Variants in CNTN5 observed in about 807,000 individuals in gnomAD.
CNTN5 encodes the protein contactin 5.
A neutral mutation model predicts 129.1 loss-of-function variants in CNTN5; 77 were observed. The ratio of observed to expected loss-of-function variants is 0.60; its 90% confidence interval spans 0.50 to 0.72. CNTN5 has a LOEUF of 0.72. Among genes scored for constraint, CNTN5 ranks in the 30% least tolerant of loss-of-function variants. The pLI is 0.00. For missense variants in CNTN5, 1,478 were observed against 1,328.8 expected, an observed-to-expected ratio of 1.11 and a Z score of -1.75; for synonymous variants, 509 against 465.6, an observed-to-expected ratio of 1.09 and a Z score of -1.20.
intron 15 of CNTN5, among the ~76,000 whole-genome samples, chr11:100,208,458 A>G (rs1948959593): frequency 6.6e-6 from 1 of 152,178 alleles, no homozygotes; most frequent in South Asian, 2.1e-4. Flanking sequence ...TGTTCACATT[A>G]AAGATCTCAG....
intron 13 of CNTN5, among the ~76,000 whole-genome samples, chr11:100,098,006 G>A (rs1212861758): frequency 6.6e-6 from 1 of 151,906 alleles, no homozygotes; most frequent in African/African-American, 2.4e-5. Context: ...TTGTTTCGTT[G>A]TCAGAATTAC....
chr11:99,905,563 T>C (rs749728232), intron 6 of CNTN5, among the ~76,000 whole-genome samples: 1 of 152,182 alleles, frequency 6.6e-6, no homozygotes, highest in Non-Finnish European at 1.5e-5. Context: ...TAGTTTAAAG[T>C]AGGGTAGCAT....
chr11:99,045,210 C>G (rs1450800786), intron 1 of CNTN5, among the ~76,000 whole-genome samples: 1 of 152,084 alleles, frequency 6.6e-6, no homozygotes, highest in African/African-American at 2.4e-5. Flanking sequence ...GTGATACTTC[C>G]TTTATATTAT....
At chr11:99,770,295 T>A (rs986086915) in intron 3 of CNTN5, among the ~76,000 whole-genome samples, 1 of 152,114 alleles carries the variant, frequency 6.6e-6, no homozygotes, top group Non-Finnish European at 1.5e-5. Context: ...TATACAAAGG[T>A]ACATTCAAAG....
chr11:99,666,727 G>T (rs1359573941), intron 3 of CNTN5, among the ~76,000 whole-genome samples: 1 of 152,120 alleles, frequency 6.6e-6, no homozygotes, highest in East Asian at 1.9e-4. Context: ...GATACAGTGT[G>T]AAGACAAAAG....
At chr11:99,687,695 GAC>G (rs755629435) in intron 3 of CNTN5, among the ~76,000 whole-genome samples, 1 of 152,248 alleles carries the variant, frequency 6.6e-6, no homozygotes, top group Non-Finnish European at 1.5e-5. Context: ...TACCACTAGA[GAC>G]ACAGATTATA....
chr11:99,241,015 A>C (rs979648945), intron 1 of CNTN5, among the ~76,000 whole-genome samples: 32 of 152,344 alleles, frequency 2.1e-4, no homozygotes, highest in Admixed American at 6.5e-4. Context: ...GGGACATGTC[A>C]GTGTATAAAT....
chr11:99,373,174 A>T (rs937974031), intron 2 of CNTN5, among the ~76,000 whole-genome samples: 2 of 152,158 alleles, frequency 1.3e-5, no homozygotes, highest in Admixed American at 1.3e-4. Flanking sequence ...GCACCATTGC[A>T]CTCCAGCCAG....
intron 1 of CNTN5, among the ~76,000 whole-genome samples, chr11:99,033,750 TA>T (rs1011427832): frequency 1.3e-5 from 2 of 152,112 alleles, no homozygotes; most frequent in Non-Finnish European, 2.9e-5. Flanking sequence ...CCTAATTGAA[TA>T]CCCTTTATTT....
intron 3 of CNTN5, among the ~76,000 whole-genome samples, chr11:99,678,542 A>C (rs1243673315): frequency 6.6e-6 from 1 of 152,288 alleles, no homozygotes; most frequent in Non-Finnish European, 1.5e-5. Context: ...AATGCCATGA[A>C]TTTCAAATTA....
At chr11:99,181,160 C>T (rs1264998914) in intron 1 of CNTN5, among the ~76,000 whole-genome samples, 2 of 152,100 alleles carry the variant, frequency 1.3e-5, no homozygotes. Flanking sequence ...ATCTAGATTA[C>T]TGGGGAGGGG....
At chr11:99,947,430 A>G (rs1275658166) in intron 7 of CNTN5, among the ~76,000 whole-genome samples, 11 of 152,062 alleles carry the variant, frequency 7.2e-5, no homozygotes, top group Non-Finnish European at 1.6e-4. Flanking sequence ...TGATAAATAG[A>G]CAGTATCCAC....
chr11:99,045,004 G>A (rs1864150479), intron 1 of CNTN5, among the ~76,000 whole-genome samples: 1 of 152,110 alleles, frequency 6.6e-6, no homozygotes, highest in Non-Finnish European at 1.5e-5. Context: ...CTTATTGCAT[G>A]ATGTTATTGT....
chr11:100,049,785 A>G (rs1286553802), intron 9 of CNTN5, among the ~76,000 whole-genome samples: 1 of 152,154 alleles, frequency 6.6e-6, no homozygotes, highest in Non-Finnish European at 1.5e-5. Flanking sequence ...CAAGAAAAAT[A>G]CAAACAACCC....
At chr11:100,075,343 G>C (rs1944085471) in intron 13 of CNTN5, among the ~76,000 whole-genome samples, 1 of 152,070 alleles carries the variant, frequency 6.6e-6, no homozygotes, top group Non-Finnish European at 1.5e-5. Context: ...CCTGGGATTG[G>C]GATGGGTCGT....
At chr11:99,177,313 A>G (rs1324801769) in intron 1 of CNTN5, among the ~76,000 whole-genome samples, 7 of 152,070 alleles carry the variant, frequency 4.6e-5, no homozygotes, top group African/African-American at 1.7e-4. Flanking sequence ...GTCCCTCTCC[A>G]CTATATAATG....
intron 2 of CNTN5, among the ~76,000 whole-genome samples, chr11:99,450,618 C>A (rs527413410): frequency 3.3e-5 from 5 of 152,228 alleles, no homozygotes; most frequent in African/African-American, 1.2e-4. Context: ...AGAATTCAAA[C>A]CCTGCCTAAC....
chr11:99,471,927 G>A (rs75461229), intron 2 of CNTN5, among the ~76,000 whole-genome samples: 3,839 of 152,012 alleles, frequency 0.025, 173 homozygotes, highest in African/African-American at 0.087. Context: ...CACTTAATCT[G>A]CATTTATTGA....
chr11:99,435,221 T>C (rs567261020), intron 2 of CNTN5, among the ~76,000 whole-genome samples: 2 of 152,280 alleles, frequency 1.3e-5, no homozygotes, highest in African/African-American at 4.8e-5. Flanking sequence ...AATTGTCATC[T>C]TTTTGTAGAT....
Sources: allele counts gnomAD v4.1 joint callset (sites outside exome capture counted in the v4.1 genomes callset), GRCh38; gene constraint gnomAD v4.1.1; transcripts MANE v1.5; gene names NCBI Gene and HGNC (gene_info 2026-07-23, HGNC 2026-07-21).